Variants in ARMC9 observed in about 807,000 individuals in gnomAD.
ARMC9 encodes the protein lisH domain-containing protein ARMC9.
ARMC9 carries 94 observed loss-of-function variants against 107.0 expected under a neutral mutation model. That is an observed-to-expected ratio of 0.88 (90% CI 0.74 to 1.04). The LOEUF is 1.04. Among genes scored for constraint, ARMC9 ranks in the 50% least tolerant of loss-of-function variants. The pLI is 0.00. For missense variants in ARMC9, 942 were observed against 1,030.1 expected (o/e 0.91, Z 1.17); for synonymous variants, 380 against 396.9 (o/e 0.96, Z 0.51).
intron 8 of ARMC9, 79 bp from the exon 9 acceptor site, chr2:231,239,864 C>CT (rs945652470): frequency 1.6e-4 from 194 of 1,229,062 alleles, no homozygotes; most frequent in Non-Finnish European, 2.3e-4. Context: ...AGAGACCACT[C>CT]TAACAATTGC....
intron 14 of ARMC9, among the ~76,000 whole-genome samples, chr2:231,276,344 C>T (rs914266272): frequency 1.3e-5 from 2 of 151,484 alleles, no homozygotes; most frequent in South Asian, 2.1e-4. Context: ...GATCTCGGCT[C>T]ACTGCAACCT....
At chr2:231,324,191 A>T (rs1476682613) in intron 19 of ARMC9, among the ~76,000 whole-genome samples, 1 of 131,346 alleles carries the variant, frequency 7.6e-6, no homozygotes, top group Non-Finnish European at 1.5e-5. Context: ...GCAGTGGTGC[A>T]ATCTCGGCTC....
rs2045643610 is a variant in ARMC9 at position 231,362,759 on chromosome 2, A to G, written c.2261+1876A>G. 1 of 153,014 alleles carries G rather than the reference A, an allele frequency of 6.5e-6. No homozygotes were observed. The highest frequency in any genetic ancestry group is 1.5e-5 in the Non-Finnish European group (1 of 67,950). 9.5% of individuals were successfully genotyped at this position (153,014 alleles called of 1,614,324 possible). A position where few individuals can be genotyped will look rare whatever the true frequency, so the allele number is the denominator to read the frequency against. On this transcript the variant is annotated intron_variant, in intron 23 of 24. Coordinates refer to ENST00000611582, the MANE Select transcript of ARMC9 (RefSeq NM_001352754.2). This position sits in a 1 kb window ranked among gnomAD's most constrained non-coding sequence, Gnocchi z 4.7. ...AGATATATATATACCTCATATGTATATGGTATACCTCATCTAGAATGCTGT... is the reference window on the plus strand; with the variant it reads ...AGATATATATATACCTCATATGTATGTGGTATACCTCATCTAGAATGCTGT...
In ARMC9 at chr2:231,288,538, G is replaced by T. The variant is rs547173692; in HGVS notation, c.1627-2815G>T. 1.1e-5 allele frequency: 5 copies of T among 457,142 alleles called. No homozygotes were observed. In the East Asian group the frequency reaches 2.1e-4, roughly 19 times the overall value. The allele number at this position is 457,142 out of a possible 1,614,324, so 28.3% of individuals were successfully genotyped here. A position where few individuals can be genotyped will look rare whatever the true frequency, so the allele number is the denominator to read the frequency against. On this transcript the variant is annotated intron_variant, in intron 17 of 24. Transcript: ENST00000611582. ...CTGTGAAGCTGGAACGATAGAATGC[G>T]CTAGAGAGTTCAGTTGTTGAGTAAA... is the stretch of plus-strand genomic sequence containing the variant.
intron 21 of ARMC9, among the ~76,000 whole-genome samples, chr2:231,349,202 A>C (rs2044938247): frequency 6.6e-6 from 1 of 152,204 alleles, no homozygotes; most frequent in Non-Finnish European, 1.5e-5. Context: ...CAGCAGATGA[A>C]TGGACAAAGA....
Position 231,214,977 on chromosome 2 carries a change from T to C in ARMC9, c.324T>C (p.Leu108=). The part of the protein sequence containing the change: ...FYLHIHFAIY[L]LKYSVGRPDK... The stretch of plus-strand genomic sequence containing the variant: ...TCCACATCCATTTTGCCATCTATCT[T>C]TTGAAGTACTCTGTGGGGAGACCGG... The change falls in exon 4 of 25, where the codon CTT becomes CTC. Residue 108 remains leucine, a synonymous_variant. Coordinates refer to ENST00000611582, the MANE Select transcript of ARMC9 (RefSeq NM_001352754.2). The C allele has an allele frequency of 6.2e-7, 1 of 1,614,092 alleles. No homozygotes were observed. Among genetic ancestry groups the C allele is most frequent in the Non-Finnish European group, 8.5e-7 (1 of 1,179,998 alleles).
intron 21 of ARMC9, among the ~76,000 whole-genome samples, chr2:231,354,661 C>T (rs2045262533): frequency 6.6e-6 from 1 of 152,158 alleles, no homozygotes; most frequent in African/African-American, 2.4e-5. Context: ...GGATTACAGG[C>T]ATGAGCCACC....
chr2:231,259,563 G>A (rs528769893), intron 11 of ARMC9, among the ~76,000 whole-genome samples: 1 of 152,356 alleles, frequency 6.6e-6, no homozygotes, highest in South Asian at 2.1e-4. Flanking sequence ...CAGACTGAGT[G>A]CAGTTGAAGT....
chr2:231,292,116 C>T (rs1472786177), intron 18 of ARMC9, among the ~76,000 whole-genome samples: 2 of 149,024 alleles, frequency 1.3e-5, no homozygotes, highest in African/African-American at 5.0e-5. Flanking sequence ...TGTAGTGAGC[C>T]GAGATTGCGC....
At chr2:231,280,357 C>G (rs1369919239) in intron 16 of ARMC9, among the ~76,000 whole-genome samples, 1 of 152,098 alleles carries the variant, frequency 6.6e-6, no homozygotes, top group Non-Finnish European at 1.5e-5. Context: ...ACTCAGGAGG[C>G]TGAGGCATGA....
At position 231,276,780 on chromosome 2, in the gene ARMC9, C is replaced by T; in HGVS notation, c.1474+5C>T. On this transcript the variant is annotated splice_donor_5th_base_variant and intron_variant, in intron 15 of 24. Coordinates refer to ENST00000611582, the MANE Select transcript of ARMC9 (RefSeq NM_001352754.2). ...ACCTCTGCCTCCGCAGCACAGGTCT[C>T]AGCCCCGACCCTCATTCTAGTGCAA... The T allele has an allele frequency of 6.2e-7, 1 of 1,613,780 alleles. No individual in the cohort carries two copies. Among genetic ancestry groups the T allele is most frequent in the Non-Finnish European group, 8.5e-7 (1 of 1,179,898 alleles).
chr2:231,227,852 C>T (rs2034796539), intron 7 of ARMC9, among the ~76,000 whole-genome samples: 1 of 152,208 alleles, frequency 6.6e-6, no homozygotes, highest in Admixed American at 6.5e-5. Flanking sequence ...AAGTGTGTGA[C>T]TGGTTCTGCC....
intron 12 of ARMC9, among the ~76,000 whole-genome samples, chr2:231,267,028 C>T (rs1025956551): frequency 2.0e-5 from 3 of 152,204 alleles, no homozygotes; most frequent in Non-Finnish European, 2.9e-5. Flanking sequence ...GGAAACAGGA[C>T]TGTGCCCATG....
chr2:231,206,995 A>T (rs935140427), intron 2 of ARMC9, among the ~76,000 whole-genome samples: 13 of 152,318 alleles, frequency 8.5e-5, no homozygotes, highest in South Asian at 2.1e-4. Context: ...ATTCTTTTTT[A>T]AAAAATTTAC....
At chr2:231,364,810 G>C (rs2045746629) in intron 23 of ARMC9, among the ~76,000 whole-genome samples, 1 of 150,472 alleles carries the variant, frequency 6.6e-6, no homozygotes, top group Non-Finnish European at 1.5e-5. Context: ...AAAAAAAAAA[G>C]AAAGAAAGAA....
intron 21 of ARMC9, among the ~76,000 whole-genome samples, chr2:231,355,069 T>C (rs898318311): frequency 2.6e-5 from 4 of 152,230 alleles, no homozygotes; most frequent in African/African-American, 9.6e-5. Flanking sequence ...CCAGTCACAG[T>C]GGCTCACACC....
chr2:231,246,556 T>C (rs2036782674), intron 9 of ARMC9, among the ~76,000 whole-genome samples: 1 of 152,216 alleles, frequency 6.6e-6, no homozygotes, highest in African/African-American at 2.4e-5. Context: ...TATGGTTTCG[T>C]AGTATTCCAT....
In ARMC9 at chr2:231,214,912, C is replaced by A. The variant is rs372770167; in HGVS notation, c.259C>A (p.Arg87=). Residue 87 remains arginine (R), a synonymous_variant, in exon 4 of 25, where the codon CGA becomes AGA. Transcript: ENST00000611582. ...GGAGGAGCACATTTCAAGTTCCATC[C>A]GAGATGGGGACTCCTTTGCCCAGAA... ...LWEEHISSSI[R]DGDSFAQKLE... 7.5e-5 allele frequency: 121 copies of A among 1,613,968 alleles called. No homozygotes were observed. Among genetic ancestry groups the A allele is most frequent in the Non-Finnish European group, 9.7e-5 (115 of 1,180,022 alleles).
At chr2:231,339,661 C>T (rs1206532730) in intron 20 of ARMC9, among the ~76,000 whole-genome samples, 1 of 152,036 alleles carries the variant, frequency 6.6e-6, no homozygotes, top group African/African-American at 2.4e-5. Flanking sequence ...AACACTAGGC[C>T]GGGAGCAGTG....
Sources: gnomAD v4.1 joint callset for allele counts (sites outside exome capture counted in the v4.1 genomes callset) on GRCh38, gnomAD v4.1.1 for gene constraint, Gnocchi (gnomAD v3.1) non-coding constraint, MANE v1.5 for transcripts, NCBI Gene and HGNC (gene_info 2026-07-23, HGNC 2026-07-21) for gene names.